Variants in MINDY4 observed in about 807,000 individuals in gnomAD.
MINDY4 encodes probable ubiquitin carboxyl-terminal hydrolase MINDY-4.
Under a neutral mutation model 87.0 loss-of-function variants are expected in MINDY4, and 68 were observed. That is an observed-to-expected ratio of 0.78 (90% CI 0.64 to 0.96). The LOEUF (loss-of-function observed/expected upper bound fraction) is 0.96, where lower values mean the gene tolerates loss of function less well. Ranked by LOEUF, MINDY4 falls within the 40% of genes least tolerant of loss-of-function variation. The probability of loss-of-function intolerance (pLI) is 0.00; values close to 1 mark genes in which losing one functional copy is unlikely to be tolerated. For synonymous variants in MINDY4, 379 were observed against 363.2 expected (o/e 1.04, Z -0.50); for missense variants, 919 against 928.2 (o/e 0.99, Z 0.13).
chr7:30,795,098 C>T (rs1218337220), intron 5 of MINDY4, among the ~76,000 whole-genome samples: 3 of 152,140 alleles, frequency 2.0e-5, no homozygotes, highest in Admixed American at 1.3e-4. Context: ...GCTCACAGCC[C>T]TCCGTTGGGG....
chr7:30,852,362 G>A, intron 11 of MINDY4, 83 bp downstream of exon 11: 1 of 1,599,400 alleles, frequency 6.3e-7, no homozygotes, highest in African/African-American at 1.3e-5. Context: ...TCCTTCCTCA[G>A]CTGGGGACAG....
At chr7:30,869,661 G>A (rs1790043614) in intron 13 of MINDY4, among the ~76,000 whole-genome samples, 1 of 152,110 alleles carries the variant, frequency 6.6e-6, no homozygotes, top group Non-Finnish European at 1.5e-5. Context: ...GATTGCATTA[G>A]GGCCTACCCT....
chr7:30,891,729 G>A (rs1252006295), intron 17 of MINDY4, among the ~76,000 whole-genome samples: 1 of 152,206 alleles, frequency 6.6e-6, no homozygotes, highest in Non-Finnish European at 1.5e-5. Flanking sequence ...TGCATCACCT[G>A]CCGCCTGGCC....
chr7:30,859,417 G>C, intron 13 of MINDY4, 93 bp downstream of exon 13: 1 of 1,171,894 alleles, frequency 8.5e-7, no homozygotes, highest in Non-Finnish European at 1.3e-6. Context: ...CTTGGCACAT[G>C]TTGAGGGCTC....
Position 30,840,803 on chromosome 7 carries a change from T to C in MINDY4, c.1400T>C (p.Leu467Pro). 1 of 1,614,200 alleles carries C rather than the reference T, an allele frequency of 6.2e-7. No individual in the cohort carries two copies. Among genetic ancestry groups the C allele is most frequent in the Non-Finnish European group, 8.5e-7 (1 of 1,180,018 alleles). The change falls in exon 9 of 18, where the codon CTA becomes CCA. Residue 467 changes from leucine (L) to proline (P), a missense_variant. Coordinates refer to ENST00000265299, the MANE Select transcript of MINDY4 (RefSeq NM_032222.3). ...CTGGCAGCTGTCCAAGGCTGTGTCC[T>C]ACAGAAACTCCTGTTTGAAGGAGAT... ...GVLAAVQGCV[L>P]QKLLFEGDSK...
At chr7:30,797,188 G>A (rs1557909) in intron 5 of MINDY4, among the ~76,000 whole-genome samples, 5,501 of 152,320 alleles carry the variant, frequency 0.036, 142 homozygotes, top group Non-Finnish European at 0.056. Flanking sequence ...ACCTGCGATG[G>A]CCTACTGTGT....
intron 13 of MINDY4, among the ~76,000 whole-genome samples, chr7:30,864,947 G>A (rs1436891945): frequency 6.6e-6 from 1 of 152,214 alleles, no homozygotes; most frequent in African/African-American, 2.4e-5. Flanking sequence ...GTGGTTCGTG[G>A]GGTGAGATGT....
At chr7:30,833,785 C>G (rs1359002553) in intron 6 of MINDY4, among the ~76,000 whole-genome samples, 1 of 152,204 alleles carries the variant, frequency 6.6e-6, no homozygotes, top group East Asian at 1.9e-4. Flanking sequence ...GCAGCTGTTC[C>G]AAATGGGAGA....
intron 9 of MINDY4, among the ~76,000 whole-genome samples, chr7:30,850,188 C>T (rs1789365356): frequency 6.6e-6 from 1 of 152,238 alleles, no homozygotes; most frequent in Non-Finnish European, 1.5e-5. Context: ...GCCCTCTTTG[C>T]TCCTGTGGGC....
intron 17 of MINDY4, among the ~76,000 whole-genome samples, chr7:30,887,256 T>C (rs1323249155): frequency 4.6e-5 from 7 of 152,154 alleles, no homozygotes; most frequent in African/African-American, 1.7e-4. Flanking sequence ...CACTCCCCAC[T>C]GTCCATGCCA....
At chr7:30,832,452 C>T (rs189259605) in intron 6 of MINDY4, among the ~76,000 whole-genome samples, 1 of 152,334 alleles carries the variant, frequency 6.6e-6, no homozygotes, top group South Asian at 2.1e-4. Context: ...AGAGAACATT[C>T]TCAATGTTGG....
intron 16 of MINDY4, 43 bp from the exon 17 acceptor site, chr7:30,882,878 A>C: frequency 3.8e-6 from 6 of 1,578,384 alleles, no homozygotes; most frequent in Non-Finnish European, 5.2e-6. Flanking sequence ...GGGTGAGTGC[A>C]GGGCCCTGGG....
chr7:30,783,375 C>G (rs1231548673), intron 3 of MINDY4, among the ~76,000 whole-genome samples: 1 of 152,120 alleles, frequency 6.6e-6, no homozygotes, highest in Admixed American at 6.5e-5. Context: ...TTTTAAGACT[C>G]CGAATTTAAT....
At chr7:30,861,460 C>T (rs1277800333) in intron 13 of MINDY4, among the ~76,000 whole-genome samples, 1 of 152,216 alleles carries the variant, frequency 6.6e-6, no homozygotes, top group Non-Finnish European at 1.5e-5. Flanking sequence ...GAGTAGGCTT[C>T]AAGATTATAC....
At chr7:30,784,302 G>A (rs73087778) in intron 3 of MINDY4, among the ~76,000 whole-genome samples, 3,852 of 152,266 alleles carry the variant, frequency 0.025, 61 homozygotes, top group Non-Finnish European at 0.039. Flanking sequence ...CCTCCGCCTC[G>A]TCCGTCATCT....
At chr7:30,844,725 C>G (rs879858908) in intron 9 of MINDY4, among the ~76,000 whole-genome samples, 1 of 152,146 alleles carries the variant, frequency 6.6e-6, no homozygotes, top group Non-Finnish European at 1.5e-5. Context: ...AGGGGGAATG[C>G]CTGGCTTTGT....
intron 1 of MINDY4, among the ~76,000 whole-genome samples, chr7:30,776,624 C>T (rs1786826099): frequency 6.6e-6 from 1 of 152,196 alleles, no homozygotes; most frequent in African/African-American, 2.4e-5. Flanking sequence ...GTGGTCTGTT[C>T]CCTTCGTTTC....
intron 15 of MINDY4, 79 bp downstream of exon 15, chr7:30,875,735 G>C (rs1562563617): frequency 6.8e-7 from 1 of 1,469,542 alleles, no homozygotes; most frequent in Non-Finnish European, 9.2e-7. Context: ...GGGAAGGAAA[G>C]CTGGACTCCA....
At chr7:30,883,237 G>A (rs1441048094) in intron 17 of MINDY4, among the ~76,000 whole-genome samples, 1 of 152,222 alleles carries the variant, frequency 6.6e-6, no homozygotes, top group Non-Finnish European at 1.5e-5. Flanking sequence ...CATGGTTGGG[G>A]GTGGGGGCTA....
Sources: allele counts gnomAD v4.1 joint callset (sites outside exome capture counted in the v4.1 genomes callset), GRCh38; gene constraint gnomAD v4.1.1; transcripts MANE v1.5; gene names NCBI Gene and HGNC (gene_info 2026-07-23, HGNC 2026-07-21).